COPA: variants seen among roughly 807,000 people sequenced by gnomAD.
The protein encoded by COPA is coatomer subunit alpha.
Under a neutral mutation model 158.7 loss-of-function variants are expected in COPA, and 10 were observed. The observed-to-expected ratio is 0.06, with a 90% CI of 0.04 to 0.11. The LOEUF is 0.11. Among genes scored for constraint, COPA ranks in the 10% least tolerant of loss-of-function variants. COPA has a pLI of 1.00. For missense variants in COPA, 1,065 were observed against 1,536.7 expected (o/e 0.69, Z 5.13); for synonymous variants, 462 against 542.8 (o/e 0.85, Z 2.07).
rs143253096 is a variant in COPA, at chr1:160,296,556, G to A, written c.2264-407C>T. Among the ~76,000 whole-genome samples the A allele has an allele frequency of 1.9e-3, 289 of 152,332 alleles. 2 individuals carry two copies. Among genetic ancestry groups the A allele is most frequent in the African/African-American group, 6.4e-3 (265 of 41,568 alleles). The stretch of plus-strand genomic sequence containing the variant: ...AGTGCAGAAGTAGATTCTCTCCCCG[G>A]TGAGTCTTCAGATATCTGCAGTTCT... On this transcript the variant is annotated intron_variant, in intron 21 of 32. Coordinates refer to ENST00000241704, the MANE Select transcript of COPA (RefSeq NM_004371.4).
rs534037172 is a variant in COPA at position 160,295,605 on chromosome 1, T to G, written c.2476+131A>C. The G allele has an allele frequency of 1.8e-5, 17 of 960,596 alleles. No individual in the cohort carries two copies. The South Asian group carries it at 4.9e-4, about 28-fold the overall frequency. The allele number at this position is 960,596 out of a possible 1,614,324, so 59.5% of individuals were successfully genotyped here. ...TTTTTAAGACTGCACCATAAATGAC[T>G]GGCATTTCAATATTCCATTAGGCTC... On this transcript the variant is annotated intron_variant, in intron 23 of 32. Transcript: ENST00000241704.
intron 1 of COPA, 51 bp from the exon 2 acceptor site, chr1:160,340,345 A>G (rs1427248180): frequency 8.9e-7 from 1 of 1,129,834 alleles, no homozygotes; most frequent in Non-Finnish European, 1.3e-6. Context: ...CCATGATGTC[A>G]CCTTCTGTCA....
intron 6 of COPA, among the ~76,000 whole-genome samples, chr1:160,330,134 A>T (rs888505686): frequency 5.9e-5 from 9 of 152,174 alleles, no homozygotes; most frequent in Non-Finnish European, 1.0e-4. Flanking sequence ...CCCCCAAAAA[A>T]AAATTGCCCC....
At position 160,308,806 on chromosome 1, in the gene COPA, A is replaced by G. The variant is rs1658872983; in HGVS notation, c.1219+295T>C. 9.2e-6 allele frequency: 3 copies of G among 325,386 alleles called. No homozygotes were observed. The Admixed American group carries it at 1.4e-4, about 15-fold the overall frequency. 20.2% of individuals were successfully genotyped at this position (325,386 alleles called of 1,614,324 possible). A position where few individuals can be genotyped will look rare whatever the true frequency, so the allele number is the denominator to read the frequency against. Reference sequence around the variant, plus strand: ...TTAAATAAATGAAACTACCAGGGTGAAAGTCATATCAACTGACAATAAACT... The same window carrying G: ...TTAAATAAATGAAACTACCAGGGTGGAAGTCATATCAACTGACAATAAACT... On this transcript the variant is annotated intron_variant, in intron 13 of 32. Coordinates refer to ENST00000241704, the MANE Select transcript of COPA (RefSeq NM_004371.4).
At position 160,314,066 on chromosome 1, in the gene COPA, C is replaced by T. The variant is rs143714109; in HGVS notation, c.766G>A (p.Val256Ile). Residue 256 changes from valine (V) to isoleucine (I), a missense_variant, in exon 9 of 33, where the codon GTC (valine) becomes ATC (isoleucine). By Grantham distance (29) the Val-to-Ile change is conservative (BLOSUM62 3). Coordinates refer to ENST00000241704, the MANE Select transcript of COPA (RefSeq NM_004371.4). ...ATCAACTCTTGGCGAGGGTGGAAGA[C>T]GGCACAAGATACATTGTTGTAATGG... ...RGHYNNVSCA[V>I]FHPRQELILS... 7.1e-5 allele frequency: 115 copies of T among 1,613,780 alleles called. No individual in the cohort carries two copies. The highest frequency in any genetic ancestry group is 1.8e-4 in the Admixed American group (11 of 59,966).
chr1:160,324,572 A>G (rs750377918), intron 7 of COPA, among the ~76,000 whole-genome samples: 4 of 151,266 alleles, frequency 2.6e-5, no homozygotes, highest in South Asian at 4.2e-4. Flanking sequence ...TGCTGAGATT[A>G]CAGGTGTGAC....
At chr1:160,323,101 G>C (rs1168285051) in intron 8 of COPA, among the ~76,000 whole-genome samples, 1 of 151,814 alleles carries the variant, frequency 6.6e-6, no homozygotes, top group East Asian at 1.9e-4. Context: ...TTATGTTAAG[G>C]GAAGAACAAA....
At chr1:160,317,982 G>C (rs1403197591) in intron 8 of COPA, among the ~76,000 whole-genome samples, 1 of 152,110 alleles carries the variant, frequency 6.6e-6, no homozygotes, top group Non-Finnish European at 1.5e-5. Flanking sequence ...GCATTTTCAG[G>C]CTTGTGGTGA....
chr1:160,313,445 C>T (rs998835658), intron 9 of COPA, among the ~76,000 whole-genome samples: 23 of 151,442 alleles, frequency 1.5e-4, no homozygotes, highest in African/African-American at 4.4e-4. Flanking sequence ...GACGGAGTCT[C>T]GCTCTGTTGC....
At chr1:160,332,670 G>A in intron 5 of COPA, 113 bp from the exon 6 acceptor site, 1 of 629,384 alleles carries the variant, frequency 1.6e-6, no homozygotes. Flanking sequence ...CTTTTATGGA[G>A]ACAAAGGCAG....
chr1:160,302,138 T>C (rs550507157), intron 17 of COPA, among the ~76,000 whole-genome samples: 3 of 152,192 alleles, frequency 2.0e-5, no homozygotes, highest in East Asian at 1.9e-4. Flanking sequence ...GTAAAGGAAA[T>C]AGAAATAAAT....
intron 7 of COPA, among the ~76,000 whole-genome samples, chr1:160,324,414 G>A (rs1368006566): frequency 1.3e-5 from 2 of 148,630 alleles, no homozygotes; most frequent in African/African-American, 5.0e-5. Context: ...CTCCTACCTC[G>A]GCCTCCCAAA....
At chr1:160,305,246 AT>A (rs1658746764) in intron 17 of COPA, 186 bp downstream of exon 17, 6 of 543,032 alleles carry the variant, frequency 1.1e-5, no homozygotes, top group Middle Eastern at 4.8e-4. Context: ...AATTGTCTAT[AT>A]TTGTTTTAGA....
At chr1:160,309,635 T>C (rs887438552) in intron 12 of COPA, among the ~76,000 whole-genome samples, 1 of 151,664 alleles carries the variant, frequency 6.6e-6, no homozygotes, top group Admixed American at 6.6e-5. Context: ...ATGGGACTAC[T>C]AGATATTAAA....
At chr1:160,317,065 G>C (rs774273619) in intron 8 of COPA, among the ~76,000 whole-genome samples, 2 of 152,086 alleles carry the variant, frequency 1.3e-5, no homozygotes, top group Non-Finnish European at 2.9e-5. Flanking sequence ...TACAGGCCAA[G>C]AGAGAGAGGA....
chr1:160,306,146 T>A (rs973966305), intron 15 of COPA, among the ~76,000 whole-genome samples: 9 of 152,124 alleles, frequency 5.9e-5, no homozygotes, highest in Non-Finnish European at 1.3e-4. Context: ...TAAAAACAGA[T>A]AAATAACCAA....
At chr1:160,330,154 G>A (rs1416473054) in intron 6 of COPA, among the ~76,000 whole-genome samples, 1 of 151,784 alleles carries the variant, frequency 6.6e-6, no homozygotes, top group Non-Finnish European at 1.5e-5. Flanking sequence ...CTGATCAGCT[G>A]GAATAGCATG....
At chr1:160,325,173 C>T (rs1659449702) in intron 7 of COPA, among the ~76,000 whole-genome samples, 1 of 151,696 alleles carries the variant, frequency 6.6e-6, no homozygotes, top group African/African-American at 2.4e-5. Context: ...TTCCCTTATG[C>T]TTTTCTGTTT....
chr1:160,292,045 A>T lies in COPA; in HGVS notation c.3114T>A (p.Leu1038=). The stretch of plus-strand genomic sequence containing the variant: ...TCTCTTGTTTATTGTCCACAACAAG[A>T]AGTGGCACACTGAGAAGGATGGAAC... ...KFRSILLSVP[L]LVVDNKQEIA... Residue 1038 remains leucine, a synonymous_variant, in exon 29 of 33, where the codon CTT becomes CTA. Coordinates refer to ENST00000241704, the MANE Select transcript of COPA (RefSeq NM_004371.4). 1 of 1,614,222 alleles carries T rather than the reference A, an allele frequency of 6.2e-7. No homozygotes were observed. The highest frequency in any genetic ancestry group is 8.5e-7 in the Non-Finnish European group (1 of 1,180,032).
Sources: allele counts gnomAD v4.1 joint callset (sites outside exome capture counted in the v4.1 genomes callset), GRCh38; gene constraint gnomAD v4.1.1; transcripts MANE v1.5; gene names NCBI Gene and HGNC (gene_info 2026-07-23, HGNC 2026-07-21).